The following SPATS2 variants were observed in gnomAD, a reference collection of about 807,000 sequenced individuals.
SPATS2 encodes spermatogenesis associated serine rich 2, also known as spermatogenesis-associated serine-rich protein 2.
Under a neutral mutation model 63.7 loss-of-function variants are expected in SPATS2, and 38 were observed. That is an observed-to-expected ratio of 0.60 (90% CI 0.46 to 0.78). The LOEUF (loss-of-function observed/expected upper bound fraction) is 0.78, where lower values mean the gene tolerates loss of function less well. Ranked by LOEUF, SPATS2 falls within the 30% of genes least tolerant of loss-of-function variation. The pLI is 0.00. For synonymous variants in SPATS2, 207 were observed against 232.9 expected, an observed-to-expected ratio of 0.89 and a Z score of 1.01; for missense variants, 588 against 666.2, an observed-to-expected ratio of 0.88 and a Z score of 1.29.
chr12:49,436,821 C>T (rs1189706062), intron 2 of SPATS2, among the ~76,000 whole-genome samples: 1 of 142,182 alleles, frequency 7.0e-6, no homozygotes, highest in Non-Finnish European at 1.6e-5. Context: ...GGCAGAGGCG[C>T]CCCTCACCTC....
intron 9 of SPATS2, among the ~76,000 whole-genome samples, chr12:49,503,012 CTT>C (rs1316209165): frequency 6.6e-6 from 1 of 152,180 alleles, no homozygotes; most frequent in Non-Finnish European, 1.5e-5. Flanking sequence ...GCACCATGCC[CTT>C]TGCACTGCAT....
intron 2 of SPATS2, among the ~76,000 whole-genome samples, chr12:49,418,108 GT>G (rs760281633): frequency 0.068 from 5,198 of 76,032 alleles, 58 homozygotes; most frequent in African/African-American, 0.11. Context: ...AAATGACTCA[GT>G]TTTTTTTTTT....
At position 49,519,261 on chromosome 12, in the gene SPATS2, A is replaced by G. The variant is rs1407546737; in HGVS notation, c.1008+79A>G. 9 of 1,113,056 alleles carry G rather than the reference A, an allele frequency of 8.1e-6. No homozygotes were observed. The Admixed American group carries it at 2.0e-4, about 24-fold the overall frequency. The allele number at this position is 1,113,056 out of a possible 1,614,324, so 68.9% of individuals were successfully genotyped here. A position where few individuals can be genotyped will look rare whatever the true frequency, so the allele number is the denominator to read the frequency against. On this transcript the variant is annotated intron_variant, in intron 11 of 13. Transcript: ENST00000552918. ...AGAAATTTTCATAATTCATGGCCAT[A>G]TCTAATATATTAAACTCATGATCTT... is the stretch of plus-strand genomic sequence containing the variant.
intron 10 of SPATS2, among the ~76,000 whole-genome samples, chr12:49,516,013 G>A (rs1411426335): frequency 8.0e-5 from 12 of 150,720 alleles, no homozygotes; most frequent in African/African-American, 2.9e-4. Context: ...GGTGGCACAC[G>A]CCTGTAGTCC....
At chr12:49,438,931 C>T (rs892987178) in intron 2 of SPATS2, among the ~76,000 whole-genome samples, 2 of 152,004 alleles carry the variant, frequency 1.3e-5, no homozygotes, top group African/African-American at 4.8e-5. Flanking sequence ...AAGTTCTTGT[C>T]CTCAAGTTTA....
chr12:49,503,356 C>G (rs1338860479), intron 9 of SPATS2, among the ~76,000 whole-genome samples: 1 of 119,354 alleles, frequency 8.4e-6, no homozygotes. Context: ...TCTCAAAAAA[C>G]AAAGAAAAAA....
chr12:49,392,160 G>A (rs1325810510), intron 2 of SPATS2, among the ~76,000 whole-genome samples: 1 of 151,850 alleles, frequency 6.6e-6, no homozygotes, highest in Non-Finnish European at 1.5e-5. Flanking sequence ...AACAAGTTGG[G>A]TTAACTTATT....
At chr12:49,428,143 T>C (rs1945114849) in intron 2 of SPATS2, among the ~76,000 whole-genome samples, 1 of 151,962 alleles carries the variant, frequency 6.6e-6, no homozygotes, top group Non-Finnish European at 1.5e-5. Flanking sequence ...TAGTCCCAGC[T>C]ACTTGGGAGG....
chr12:49,484,227 C>T (rs1946252365), intron 3 of SPATS2, among the ~76,000 whole-genome samples: 1 of 152,184 alleles, frequency 6.6e-6, no homozygotes, highest in Non-Finnish European at 1.5e-5. Flanking sequence ...TCCCATCCCA[C>T]TCACATTTTC....
chr12:49,503,377 C>T (rs1318652097), intron 9 of SPATS2, among the ~76,000 whole-genome samples: 1 of 145,504 alleles, frequency 6.9e-6, no homozygotes, highest in East Asian at 2.1e-4. Flanking sequence ...GAGCTGGGCG[C>T]GGTGGCTCAT....
chr12:49,377,248 C>T (rs2137166505), intron 2 of SPATS2, among the ~76,000 whole-genome samples: 1 of 152,148 alleles, frequency 6.6e-6, no homozygotes, highest in East Asian at 1.9e-4. Flanking sequence ...CATTAGCCTA[C>T]CAGTCCATAA....
chr12:49,484,625 A>G lies in SPATS2; in HGVS notation c.61A>G (p.Thr21Ala), dbSNP rs549207675. ...SGFIFDLQSN[T>A]VLAQGGAFEN... is the part of the protein sequence containing the mutation. ...ATTCATTTTTGATTTGCAGTCCAAT[A>G]CCGTACTGGCCCAGGGAGGAGCTTT... The change falls in exon 4 of 14, where the codon ACC becomes GCC. Residue 21 changes from threonine (T) to alanine (A), a missense_variant. Coordinates refer to ENST00000552918, the MANE Select transcript of SPATS2 (RefSeq NM_023071.4). 31 of 1,614,052 alleles carry G rather than the reference A, an allele frequency of 1.9e-5. No individual in the cohort carries two copies. In the South Asian group the frequency reaches 2.1e-4, roughly 11 times the overall value.
chr12:49,382,316 G>A (rs1243751038), intron 2 of SPATS2, among the ~76,000 whole-genome samples: 1 of 152,222 alleles, frequency 6.6e-6, no homozygotes, highest in Non-Finnish European at 1.5e-5. Context: ...CATGCATGCA[G>A]TAAACAAAAT....
chr12:49,437,815 C>T (rs1050619164), intron 2 of SPATS2, among the ~76,000 whole-genome samples: 2 of 151,602 alleles, frequency 1.3e-5, no homozygotes, highest in East Asian at 1.9e-4. Context: ...AGGGGGAGAC[C>T]GTGGAAAAAG....
chr12:49,517,679 C>T (rs1946872930), intron 10 of SPATS2, among the ~76,000 whole-genome samples: 1 of 152,140 alleles, frequency 6.6e-6, no homozygotes, highest in African/African-American at 2.4e-5. Context: ...TCCCTAGGCT[C>T]CAGTCGAGAA....
chr12:49,466,964 T>C (rs1945927223), intron 3 of SPATS2, among the ~76,000 whole-genome samples: 2 of 152,032 alleles, frequency 1.3e-5, no homozygotes, highest in Non-Finnish European at 2.9e-5. Flanking sequence ...AGATCTTAAT[T>C]TCTCTCAGCA....
At chr12:49,389,301 G>T (rs1352233054) in intron 2 of SPATS2, among the ~76,000 whole-genome samples, 1 of 152,186 alleles carries the variant, frequency 6.6e-6, no homozygotes, top group Non-Finnish European at 1.5e-5. Context: ...GTTAGCAGAG[G>T]TGTCTCCCCC....
At chr12:49,442,043 A>G (rs1945427757) in intron 2 of SPATS2, among the ~76,000 whole-genome samples, 1 of 152,194 alleles carries the variant, frequency 6.6e-6, no homozygotes, top group Non-Finnish European at 1.5e-5. Flanking sequence ...AAAATGTTCA[A>G]GAATTGAATG....
chr12:49,380,167 CT>C (rs1307437668), intron 2 of SPATS2, among the ~76,000 whole-genome samples: 312 of 136,498 alleles, frequency 2.3e-3, no homozygotes, highest in East Asian at 0.011. Context: ...TCCTCTCTCT[CT>C]TTTTTTTTTT....
Sources: allele counts gnomAD v4.1 joint callset (sites outside exome capture counted in the v4.1 genomes callset), GRCh38; gene constraint gnomAD v4.1.1; transcripts MANE v1.5; gene names NCBI Gene and HGNC (gene_info 2026-07-23, HGNC 2026-07-21).